PSPC1: variants seen among roughly 807,000 people sequenced by gnomAD.
PSPC1 encodes the protein paraspeckle component 1.
PSPC1 carries 14 observed loss-of-function variants against 51.6 expected under a neutral mutation model. The ratio of observed to expected loss-of-function variants is 0.27; its 90% CI spans 0.18 to 0.42. The LOEUF (loss-of-function observed/expected upper bound fraction) is 0.42, where lower values mean the gene tolerates loss of function less well. Among genes scored for constraint, PSPC1 ranks in the 10% least tolerant of loss-of-function variants. The pLI, the probability that PSPC1 is intolerant of heterozygous loss-of-function variation, is 1.00. For synonymous variants in PSPC1, 193 were observed against 231.9 expected, an observed-to-expected ratio of 0.83 and a Z score of 1.53; for missense variants, 406 against 701.1, an observed-to-expected ratio of 0.58 and a Z score of 4.75.
At chr13:19,737,479 G>A (rs1884970206) in intron 5 of PSPC1, among the ~76,000 whole-genome samples, 1 of 152,144 alleles carries the variant, frequency 6.6e-6, no homozygotes. Flanking sequence ...GAATATCACA[G>A]AAATAATGTT....
intron 2 of PSPC1, among the ~76,000 whole-genome samples, chr13:19,764,423 T>A (rs570007854): frequency 1.3e-5 from 2 of 152,158 alleles, no homozygotes; most frequent in Admixed American, 1.3e-4. Flanking sequence ...TCTGTAATTA[T>A]ATATAACATC....
chr13:19,730,962 A>AAAAAAAAAC (rs1378090972), intron 5 of PSPC1, among the ~76,000 whole-genome samples: 1 of 19,734 alleles, frequency 5.1e-5, no homozygotes. Context: ...AAAAACAAAA[A>AAAAAAAAAC]AACAAAAAAA....
rs1482860659 is a variant in PSPC1, at chr13:19,675,417, TAAA to T, written c.*77-436_*77-434del. 2.0e-5 allele frequency: 3 copies of T among 152,230 alleles called. No individual in the cohort carries two copies. In the East Asian group the frequency reaches 5.8e-4, roughly 29 times the overall value. The allele number at this position is 152,230 out of a possible 1,614,324, so 9.4% of individuals were successfully genotyped here. ...GTAACATCTTGATTTAATTTACAAATAAAAAGCCAAAACCCTCAATGCAAAGGA... is the reference window on the plus strand; with the variant it reads ...GTAACATCTTGATTTAATTTACAAATAAGCCAAAACCCTCAATGCAAAGGA... On this transcript the variant is annotated intron_variant and NMD_transcript_variant, in intron 7 of 7. Transcript: ENST00000471658.
chr13:19,738,824 G>A (rs1566013508), intron 5 of PSPC1, among the ~76,000 whole-genome samples: 2 of 151,434 alleles, frequency 1.3e-5, no homozygotes, highest in African/African-American at 2.4e-5. Flanking sequence ...GGAGAATGGC[G>A]TGAACTCGGA....
chr13:19,713,718 AAGG>A (rs1457009513), intron 6 of PSPC1, among the ~76,000 whole-genome samples: 1 of 152,182 alleles, frequency 6.6e-6, no homozygotes, highest in Non-Finnish European at 1.5e-5. Context: ...ATGACCAAAA[AAGG>A]AGGCAAAGTA....
chr13:19,727,817 A>T (rs1883539321), intron 6 of PSPC1, among the ~76,000 whole-genome samples: 2 of 152,202 alleles, frequency 1.3e-5, no homozygotes, highest in African/African-American at 4.8e-5. Flanking sequence ...TAAGTAGAAA[A>T]TTTCCACTTA....
chr13:19,762,843 G>T (rs1887718468), intron 2 of PSPC1, among the ~76,000 whole-genome samples: 1 of 152,124 alleles, frequency 6.6e-6, no homozygotes, highest in South Asian at 2.1e-4. Flanking sequence ...CGGGCACGGT[G>T]GCTCACAGCT....
chr13:19,686,135 A>C (rs115101060), intron 6 of PSPC1, among the ~76,000 whole-genome samples: 162 of 152,296 alleles, frequency 1.1e-3, no homozygotes, highest in African/African-American at 3.8e-3. Flanking sequence ...CTTTCTAAAA[A>C]ATAAGCTACA....
intron 6 of PSPC1, among the ~76,000 whole-genome samples, chr13:19,719,694 T>C (rs1481765770): frequency 6.6e-6 from 1 of 152,208 alleles, no homozygotes; most frequent in African/African-American, 2.4e-5. Context: ...ACTGTCAAAT[T>C]CAACTGAATG....
chr13:19,766,759 G>A (rs891063953), intron 2 of PSPC1, among the ~76,000 whole-genome samples: 1 of 152,044 alleles, frequency 6.6e-6, no homozygotes, highest in Non-Finnish European at 1.5e-5. Flanking sequence ...GGAGCCTGAG[G>A]TGGGAGGATG....
intron 5 of PSPC1, among the ~76,000 whole-genome samples, chr13:19,730,809 T>C (rs1378852570): frequency 2.6e-5 from 4 of 151,544 alleles, no homozygotes; most frequent in Non-Finnish European, 5.9e-5. Context: ...AATACAAAAA[T>C]TAGCCAGGTG....
chr13:19,775,643 A>G (rs937638872), intron 1 of PSPC1, among the ~76,000 whole-genome samples: 3 of 152,244 alleles, frequency 2.0e-5, no homozygotes, highest in African/African-American at 7.2e-5. Flanking sequence ...CTCACTAGTA[A>G]CAGTAGTAGC....
intron 6 of PSPC1, chr13:19,677,927 G>A (rs1346023904): frequency 2.3e-6 from 1 of 437,266 alleles, no homozygotes; most frequent in Non-Finnish European, 4.6e-6. Flanking sequence ...AACAGTAATT[G>A]AGGTTTCGAT....
chr13:19,671,340 G>C, downstream of PSPC1: 2 of 1,522,010 alleles, frequency 1.3e-6, no homozygotes, highest in South Asian at 2.3e-5. Context: ...TGTTGCTCCA[G>C]ATTACTTTAT....
At chr13:19,776,584 T>C (rs1251192646) in intron 1 of PSPC1, among the ~76,000 whole-genome samples, 2 of 151,834 alleles carry the variant, frequency 1.3e-5, no homozygotes, top group Admixed American at 1.3e-4. Context: ...GCAATCTCAC[T>C]GCAAGCTCCG....
chr13:19,677,166 G>C (rs1713224077), intron 7 of PSPC1, among the ~76,000 whole-genome samples: 1 of 150,364 alleles, frequency 6.7e-6, no homozygotes, highest in South Asian at 2.1e-4. Flanking sequence ...CCGGGAGGCA[G>C]AGCTTGCAGT....
At chr13:19,713,544 C>CGAAAA (rs1250728037) in intron 6 of PSPC1, among the ~76,000 whole-genome samples, 3 of 6,574 alleles carry the variant, frequency 4.6e-4, no homozygotes, top group Non-Finnish European at 9.5e-4. Context: ...TCCCAGACAG[C>CGAAAA]CAAAAAAAAA....
chr13:19,765,344 A>AATTATT (rs749463540), intron 2 of PSPC1, among the ~76,000 whole-genome samples: 5,361 of 141,286 alleles, frequency 0.038, 135 homozygotes, highest in Middle Eastern at 0.091. Context: ...TAATAATAAT[A>AATTATT]ATTATTATTA....
At chr13:19,766,496 C>A (rs1888080587) in intron 2 of PSPC1, among the ~76,000 whole-genome samples, 1 of 152,080 alleles carries the variant, frequency 6.6e-6, no homozygotes, top group Admixed American at 6.6e-5. Flanking sequence ...AGTTCAAGGC[C>A]AGCCTGGGCC....
Sources: gnomAD v4.1 joint callset for allele counts (sites outside exome capture counted in the v4.1 genomes callset) on GRCh38, gnomAD v4.1.1 for gene constraint, MANE v1.5 for transcripts, NCBI Gene and HGNC (gene_info 2026-07-23, HGNC 2026-07-21) for gene names.